The following KIF1B variants were observed in gnomAD, a reference collection of about 807,000 sequenced individuals.
KIF1B encodes kinesin family member 1B.
In KIF1B, 76 loss-of-function variants were observed where a neutral mutation model predicts 241.9. The ratio of observed to expected loss-of-function variants is 0.31; its 90% CI spans 0.26 to 0.38. The LOEUF is 0.38. KIF1B is among the 10% of genes least tolerant of loss of function. The probability of loss-of-function intolerance (pLI) is 1.00; values close to 1 mark genes in which losing one functional copy is unlikely to be tolerated. For synonymous variants in KIF1B, 750 were observed against 796.7 expected (o/e 0.94, Z 0.99); for missense variants, 1,622 against 2,271.4 (o/e 0.71, Z 5.81).
rs772856336 is a variant in KIF1B at position 10,371,131 on chromosome 1, T to C, written c.4825-10T>C. 1.2e-6 allele frequency: 2 copies of C among 1,614,176 alleles called. No homozygotes were observed. The highest frequency in any genetic ancestry group is 1.3e-5 in the African/African-American group (1 of 75,034). On this transcript the variant is annotated splice_polypyrimidine_tract_variant and intron_variant, in intron 44 of 48. Coordinates refer to ENST00000676179, the MANE Select transcript of KIF1B (RefSeq NM_001365951.3). ...CTGAATGTAACTTGTAGTGTTCGGT[T>C]TGCTTCCAGTTGTCTGATATCTCTC...
chr1:10,365,762 A>G lies in KIF1B; in HGVS notation c.4752+114A>G, dbSNP rs1569909543. 7.0e-7 allele frequency: 1 copy of G among 1,421,332 alleles called. No homozygotes were observed. Among genetic ancestry groups the G allele is most frequent in the Middle Eastern group, 2.1e-4 (1 of 4,776 alleles). The allele number at this position is 1,421,332 out of a possible 1,614,324, so 88.0% of individuals were successfully genotyped here. ...GAGGTGTTTGAAGGCCTGTGATAAT[A>G]CTGTGAATGTAGAAATAAAAAGACG... On this transcript the variant is annotated intron_variant, in intron 43 of 48. Transcript: ENST00000676179. The surrounding 1 kb of genome is among the most constrained non-coding windows in gnomAD (Gnocchi z 4.0).
At chr1:10,243,025 C>T (rs371956890) in intron 2 of KIF1B, among the ~76,000 whole-genome samples, 1 of 152,294 alleles carries the variant, frequency 6.6e-6, no homozygotes, top group South Asian at 2.1e-4. Flanking sequence ...AATGATTTAA[C>T]TAAACTTACT....
At chr1:10,254,033 C>G (rs925260002) in intron 2 of KIF1B, among the ~76,000 whole-genome samples, 1 of 152,170 alleles carries the variant, frequency 6.6e-6, no homozygotes, top group Non-Finnish European at 1.5e-5. Context: ...CTTGCCACAT[C>G]TCAAAGGAGT....
At position 10,326,039 on chromosome 1, in the gene KIF1B, C is replaced by G; in HGVS notation, c.2676-72C>G. The stretch of plus-strand genomic sequence containing the variant: ...CCAGTGGATTCTGTCCTGTTAGCAC[C>G]TATTGCTTCCTGTTTAACCAACTAT... On this transcript the variant is annotated intron_variant, in intron 26 of 48. Coordinates refer to ENST00000676179, the MANE Select transcript of KIF1B (RefSeq NM_001365951.3). The surrounding 1 kb of genome is among the most constrained non-coding windows in gnomAD (Gnocchi z 5.2). 11 of 1,588,510 alleles carry G rather than the reference C, an allele frequency of 6.9e-6. No individual in the cohort carries two copies.
intron 2 of KIF1B, 56 bp downstream of exon 2, chr1:10,232,490 C>A (rs754979300): frequency 5.5e-6 from 7 of 1,283,052 alleles, no homozygotes; most frequent in Non-Finnish European, 7.9e-6. Context: ...TCTTCTTTCC[C>A]TGTCGTCTTG....
At chr1:10,315,686 G>T (rs971458774) in intron 22 of KIF1B, among the ~76,000 whole-genome samples, 1 of 151,348 alleles carries the variant, frequency 6.6e-6, no homozygotes, top group Admixed American at 6.6e-5. Context: ...TGGTATTTTT[G>T]AATTGTCTAG....
rs1461643498 is a variant in KIF1B at position 10,210,577 on chromosome 1, CG to C, written c.-379del. Among the ~76,000 whole-genome samples the C allele has an allele frequency of 2.0e-5, 3 of 152,166 alleles. No homozygotes were observed. The East Asian group carries it at 5.8e-4, about 30-fold the overall frequency. ...CGAGGGCCGAAGCGGGGCAGTGTGA[CG>C]GCAGCGGTCCTGGGAGGCGCCCGCG... On this transcript the variant is annotated 5_prime_UTR_variant, in exon 1 of 49. Coordinates refer to ENST00000676179, the MANE Select transcript of KIF1B (RefSeq NM_001365951.3). This position sits in a 1 kb window ranked among gnomAD's most constrained non-coding sequence, Gnocchi z 4.1.
Position 10,343,301 on chromosome 1 carries a change from C to A in KIF1B, c.3688+14C>A. 1 of 1,613,304 alleles carries A rather than the reference C, an allele frequency of 6.2e-7. No individual in the cohort carries two copies. The highest frequency in any genetic ancestry group is 1.1e-5 in the South Asian group (1 of 91,046). On this transcript the variant is annotated intron_variant, in intron 34 of 48. Transcript: ENST00000676179. ...TGTCCAAGCCAGGTGAGCACTCGCTCCGCTTTTTGCATGATGATCTCTTTG... is the reference window on the plus strand; with the variant it reads ...TGTCCAAGCCAGGTGAGCACTCGCTACGCTTTTTGCATGATGATCTCTTTG...
intron 22 of KIF1B, among the ~76,000 whole-genome samples, chr1:10,313,049 A>G (rs1651134949): frequency 6.6e-6 from 1 of 150,782 alleles, no homozygotes; most frequent in South Asian, 2.1e-4. Flanking sequence ...TACCATCTTT[A>G]TTTTTTTGTT....
Position 10,337,666 on chromosome 1 carries a change from A to AC in KIF1B, c.3422+133_3422+134insC. Reference sequence around the variant, plus strand: ...AAGACTGATCAGTCTCTGAAGGAAAATACTTTCATCACTCCTATGGGAGTG... The same window carrying AC: ...AAGACTGATCAGTCTCTGAAGGAAAACTACTTTCATCACTCCTATGGGAGTG... On this transcript the variant is annotated intron_variant, in intron 31 of 48. Transcript: ENST00000676179. This position sits in a 1 kb window ranked among gnomAD's most constrained non-coding sequence, Gnocchi z 4.0. The AC allele has an allele frequency of 9.7e-7, 1 of 1,033,136 alleles. No homozygotes were observed. The highest frequency in any genetic ancestry group is 1.5e-5 in the South Asian group (1 of 68,290). The allele number at this position is 1,033,136 out of a possible 1,614,324, so 64.0% of individuals were successfully genotyped here.
chr1:10,304,378 C>T (rs1266920257), intron 22 of KIF1B: 1 of 1,614,078 alleles, frequency 6.2e-7, no homozygotes, highest in Admixed American at 1.7e-5. Flanking sequence ...TACGCGCTGC[C>T]AGGCATCTGC....
intron 31 of KIF1B, among the ~76,000 whole-genome samples, chr1:10,338,247 T>G (rs1249814911): frequency 6.6e-6 from 1 of 152,194 alleles, no homozygotes; most frequent in East Asian, 1.9e-4. Flanking sequence ...AAGAGGCTGC[T>G]TTGGGTTCTG....
chr1:10,378,865 C>CT lies in KIF1B; in HGVS notation c.*2279dup. The CT allele has an allele frequency of 4.2e-6, 1 of 237,654 alleles. No individual in the cohort carries two copies. The highest frequency in any genetic ancestry group is 8.3e-6 in the Non-Finnish European group (1 of 120,734). The allele number at this position is 237,654 out of a possible 1,614,324, so 14.7% of individuals were successfully genotyped here. On this transcript the variant is annotated 3_prime_UTR_variant, in exon 49 of 49. Coordinates refer to ENST00000676179, the MANE Select transcript of KIF1B (RefSeq NM_001365951.3). Reference sequence around the variant, plus strand: ...ACCTGAAAAGTGACCCGCGGAAACTCTATGGCGGATTTTTTTTTTAACTTT... The same window carrying CT: ...ACCTGAAAAGTGACCCGCGGAAACTCTTATGGCGGATTTTTTTTTTAACTTT...
chr1:10,365,659 C>T lies in KIF1B; in HGVS notation c.4752+11C>T. 2 of 1,614,030 alleles carry T rather than the reference C, an allele frequency of 1.2e-6. No individual in the cohort carries two copies. Among genetic ancestry groups the T allele is most frequent in the East Asian group, 2.2e-5 (1 of 44,888 alleles). On this transcript the variant is annotated intron_variant, in intron 43 of 48. Coordinates refer to ENST00000676179, the MANE Select transcript of KIF1B (RefSeq NM_001365951.3). The surrounding 1 kb of genome is among the most constrained non-coding windows in gnomAD (Gnocchi z 4.0). ...GAGCTGGCTACCAAGGTGTGAATCC[C>T]TTCCTCTTTGCTGAACGTCTTCCCA...
chr1:10,247,004 A>G (rs1241817925), intron 2 of KIF1B, among the ~76,000 whole-genome samples: 1 of 152,114 alleles, frequency 6.6e-6, no homozygotes, highest in Non-Finnish European at 1.5e-5. Context: ...AGCTGGGACT[A>G]CAGGTGCGTG....
chr1:10,346,168 G>A (rs1215724965), intron 35 of KIF1B, among the ~76,000 whole-genome samples: 1 of 151,938 alleles, frequency 6.6e-6, no homozygotes, highest in Non-Finnish European at 1.5e-5. Flanking sequence ...CTCCTGCTTC[G>A]ACCTCCCAAA....
chr1:10,261,270 AT>A (rs141281398), intron 4 of KIF1B, among the ~76,000 whole-genome samples: 3,370 of 136,834 alleles, frequency 0.025, 86 homozygotes, highest in African/African-American at 0.067. Flanking sequence ...ACCTGGCCAA[AT>A]TTTTTTTTTT....
In KIF1B at chr1:10,334,581, G is replaced by A. The variant is rs145596547; in HGVS notation, c.2986G>A (p.Val996Ile). 1.9e-5 allele frequency: 30 copies of A among 1,613,962 alleles called. No homozygotes were observed. The highest frequency in any genetic ancestry group is 1.2e-4 in the African/African-American group (9 of 74,936). The change falls in exon 28 of 49, where the codon GTC (valine) becomes ATC (isoleucine). Residue 996 changes from valine (V) to isoleucine (I), a missense_variant. Around this residue, in one of 7 missense-constraint regions of KIF1B, gnomAD observed 803 missense variants for 1,112.0 expected, o/e 0.72. Transcript: ENST00000676179. ...PVPLIHRVAI[V>I]SEKGEVRGFL... ...GCCCCTGATCCACAGGGTGGCCATC[G>A]TCAGTGAGAAAGGTGAAGTGCGGGG...
intron 27 of KIF1B, among the ~76,000 whole-genome samples, chr1:10,327,501 CAAAA>C (rs570948893): frequency 2.7e-5 from 2 of 73,898 alleles, no homozygotes; most frequent in African/African-American, 4.2e-5. Context: ...AACTCCGTCT[CAAAA>C]AAAAAAAAAA....
Sources: allele counts gnomAD v4.1 joint callset (sites outside exome capture counted in the v4.1 genomes callset), GRCh38; gene constraint gnomAD v4.1.1; regional missense constraint gnomAD v4.1.1; non-coding constraint Gnocchi (gnomAD v3.1); transcripts MANE v1.5; gene names NCBI Gene and HGNC (gene_info 2026-07-23, HGNC 2026-07-21).